Variants in GLRA1 observed in about 807,000 individuals in gnomAD.
The protein encoded by GLRA1 is glycine receptor subunit alpha-1.
Under a neutral mutation model 48.3 loss-of-function variants are expected in GLRA1, and 37 were observed. The ratio of observed to expected loss-of-function variants is 0.77; its 90% CI spans 0.59 to 1.01. GLRA1 has a LOEUF of 1.01. GLRA1 is among the 50% of genes least tolerant of loss of function. GLRA1 has a pLI of 0.00. For missense variants in GLRA1, 427 were observed against 571.0 expected (o/e 0.75, Z 2.57); for synonymous variants, 196 against 210.7 (o/e 0.93, Z 0.60).
At chr5:151,865,500 G>T (rs909671929) in intron 3 of GLRA1, among the ~76,000 whole-genome samples, 2 of 152,104 alleles carry the variant, frequency 1.3e-5, no homozygotes, top group African/African-American at 4.8e-5. Context: ...CACATGCAGG[G>T]TCTTGCAAGC....
chr5:151,914,574 G>C (rs2113457501), intron 1 of GLRA1, among the ~76,000 whole-genome samples: 1 of 152,300 alleles, frequency 6.6e-6, no homozygotes, highest in African/African-American at 2.4e-5. Flanking sequence ...TCTTGGGCCA[G>C]AGACTATGCT....
chr5:151,845,428 A>G (rs1363896126), intron 7 of GLRA1, among the ~76,000 whole-genome samples: 3 of 152,240 alleles, frequency 2.0e-5, no homozygotes, highest in Admixed American at 6.5e-5. Context: ...AAATGCAGAC[A>G]TTTCACCAAA....
intron 7 of GLRA1, among the ~76,000 whole-genome samples, chr5:151,844,621 C>CAAAAAAAAAAAAAAAAAAAAAAAAA: frequency 2.0e-5 from 1 of 49,744 alleles, no homozygotes; most frequent in Non-Finnish European, 3.8e-5. Context: ...TACTCTATCT[C>CAAAAAAAAAAAAAAAAAAAAAAAAA]AAAAAAAAAA....
In GLRA1 at chr5:151,881,192, C is replaced by G. The variant is rs114134237; in HGVS notation, c.252+5529G>C. ...ATAGATGCTCCAGTGCACACACTTA[C>G]ACACATTTGTCCAGACAAGCTAGAG... On this transcript the variant is annotated intron_variant, in intron 3 of 8. Coordinates refer to ENST00000274576, the MANE Select transcript of GLRA1 (RefSeq NM_000171.4). Among the ~76,000 whole-genome samples the G allele has an allele frequency of 5.7e-3, 874 of 152,344 alleles. 12 individuals are homozygous for G. Among genetic ancestry groups the G allele is most frequent in the African/African-American group, 0.02 (845 of 41,568 alleles).
chr5:151,869,780 A>G (rs979558906), intron 3 of GLRA1, among the ~76,000 whole-genome samples: 6 of 149,820 alleles, frequency 4.0e-5, no homozygotes, highest in African/African-American at 7.7e-5. Context: ...TCAACCTAGC[A>G]TACTGGGCAT....
intron 3 of GLRA1, among the ~76,000 whole-genome samples, chr5:151,871,727 AT>A (rs1369988820): frequency 6.7e-6 from 1 of 148,820 alleles, no homozygotes; most frequent in Admixed American, 6.6e-5. Flanking sequence ...CGCCCGGCTA[AT>A]TTTTTTTATG....
chr5:151,908,763 T>G (rs1457834936), intron 1 of GLRA1, among the ~76,000 whole-genome samples: 2 of 152,226 alleles, frequency 1.3e-5, no homozygotes, highest in Non-Finnish European at 2.9e-5. Flanking sequence ...GGATTTTGGG[T>G]AGAAGAACTG....
intron 1 of GLRA1, among the ~76,000 whole-genome samples, chr5:151,893,464 A>G (rs1381691591): frequency 6.6e-6 from 1 of 151,810 alleles, no homozygotes; most frequent in African/African-American, 2.4e-5. Context: ...CTAGGTTTTA[A>G]GCCCCTCTTG....
At chr5:151,865,883 A>G (rs1234351615) in intron 3 of GLRA1, among the ~76,000 whole-genome samples, 1 of 152,178 alleles carries the variant, frequency 6.6e-6, no homozygotes, top group Non-Finnish European at 1.5e-5. Flanking sequence ...TTCCTCCCTT[A>G]AGTTGGCAAA....
intron 2 of GLRA1, among the ~76,000 whole-genome samples, chr5:151,891,488 C>A (rs1754067619): frequency 6.6e-6 from 1 of 152,124 alleles, no homozygotes; most frequent in Non-Finnish European, 1.5e-5. Flanking sequence ...TCTGGCTCTT[C>A]TTGGAATACT....
chr5:151,894,204 A>G (rs1456349542), intron 1 of GLRA1, among the ~76,000 whole-genome samples: 1 of 152,078 alleles, frequency 6.6e-6, no homozygotes, highest in Non-Finnish European at 1.5e-5. Context: ...TGCAGCGCAT[A>G]ATGTTCCCCA....
In GLRA1 at chr5:151,839,535, G is replaced by A. The variant is rs185355052; in HGVS notation, c.913-10468C>T. ...ATAGGAGCAAAGTTTTTTGCGTACT[G>A]TTTGTTATGAACTGAATATTTGTGT... On this transcript the variant is annotated intron_variant, in intron 7 of 8. Transcript: ENST00000274576. Among the ~76,000 whole-genome samples, 93 of 152,244 alleles carry A rather than the reference G, an allele frequency of 6.1e-4. 2 individuals carry two copies. Among genetic ancestry groups the A allele is most frequent in the Admixed American group, 6.0e-3 (92 of 15,298 alleles).
intron 3 of GLRA1, among the ~76,000 whole-genome samples, chr5:151,872,143 G>A (rs962389201): frequency 2.0e-5 from 3 of 149,650 alleles, no homozygotes; most frequent in Non-Finnish European, 2.9e-5. Flanking sequence ...AACAGTGACT[G>A]TTTAAGAAAT....
At chr5:151,875,398 T>A (rs1753598776) in intron 3 of GLRA1, among the ~76,000 whole-genome samples, 1 of 152,158 alleles carries the variant, frequency 6.6e-6, no homozygotes, top group Non-Finnish European at 1.5e-5. Context: ...GGTCTTGAAC[T>A]CTTAGCTTCA....
intron 1 of GLRA1, among the ~76,000 whole-genome samples, chr5:151,917,806 G>C (rs755592579): frequency 2.0e-5 from 3 of 152,152 alleles, no homozygotes; most frequent in Non-Finnish European, 4.4e-5. Context: ...GCAATTCTCT[G>C]GGGGTGAACA....
chr5:151,891,367 C>T (rs1754064684), intron 2 of GLRA1, among the ~76,000 whole-genome samples: 1 of 152,188 alleles, frequency 6.6e-6, no homozygotes, highest in South Asian at 2.1e-4. Flanking sequence ...TTCAGGTCAT[C>T]TGGAGTAGAG....
chr5:151,824,858 T>C (rs993342712), intron 8 of GLRA1, among the ~76,000 whole-genome samples: 3 of 149,324 alleles, frequency 2.0e-5, no homozygotes, highest in Non-Finnish European at 1.5e-5. Context: ...ACTGAACATA[T>C]GAACATAGTC....
intron 1 of GLRA1, among the ~76,000 whole-genome samples, chr5:151,915,335 A>G (rs1754713133): frequency 6.6e-6 from 1 of 152,190 alleles, no homozygotes; most frequent in Admixed American, 6.5e-5. Context: ...GTTATCTATC[A>G]ACATATAAGA....
rs1763164222 is a variant in GLRA1, at chr5:151,822,567, G to A, written c.*106C>T. 2 of 801,918 alleles carry A rather than the reference G, an allele frequency of 2.5e-6. No individual in the cohort carries two copies. The highest frequency in any genetic ancestry group is 3.4e-4 in the Middle Eastern group (1 of 2,906). 49.7% of individuals were successfully genotyped at this position (801,918 alleles called of 1,614,324 possible). A position where few individuals can be genotyped will look rare whatever the true frequency, so the allele number is the denominator to read the frequency against. ...TTGCACATATTGCAGAGAGAGTTGTGTAAGTGTGCCCCCTCCCTCCGTTCC... is the reference window on the plus strand; with the variant it reads ...TTGCACATATTGCAGAGAGAGTTGTATAAGTGTGCCCCCTCCCTCCGTTCC... On this transcript the variant is annotated 3_prime_UTR_variant, in exon 9 of 9. Transcript: ENST00000274576.
Sources: gnomAD v4.1 joint callset for allele counts (sites outside exome capture counted in the v4.1 genomes callset) on GRCh38, gnomAD v4.1.1 for gene constraint, MANE v1.5 for transcripts, NCBI Gene and HGNC (gene_info 2026-07-23, HGNC 2026-07-21) for gene names.